GLT1D1: variants seen among roughly 807,000 people sequenced by gnomAD.
The protein encoded by GLT1D1 is glycosyltransferase 1 domain containing 1.
Under a neutral mutation model 28.7 loss-of-function variants are expected in GLT1D1, and 21 were observed. The ratio of observed to expected loss-of-function variants is 0.73; its 90% CI spans 0.52 to 1.05. The LOEUF (loss-of-function observed/expected upper bound fraction) is 1.05, where lower values mean the gene tolerates loss of function less well. Ranked by LOEUF, GLT1D1 falls within the 50% of genes least tolerant of loss-of-function variation. The probability of loss-of-function intolerance (pLI) is 0.00; values close to 1 mark genes in which losing one functional copy is unlikely to be tolerated. For synonymous variants in GLT1D1, 147 were observed against 124.8 expected, an observed-to-expected ratio of 1.18 and a Z score of -1.19; for missense variants, 343 against 330.6, an observed-to-expected ratio of 1.04 and a Z score of -0.29.
chr12:128,885,981 T>C (rs1957165744), intron 2 of GLT1D1, among the ~76,000 whole-genome samples: 1 of 152,152 alleles, frequency 6.6e-6, no homozygotes, highest in Non-Finnish European at 1.5e-5. Flanking sequence ...AAGGACCTGG[T>C]GGGAAGTAAT....
intron 4 of GLT1D1, among the ~76,000 whole-genome samples, chr12:128,929,818 A>G (rs1257994998): frequency 1.3e-5 from 2 of 152,124 alleles, no homozygotes; most frequent in Admixed American, 1.3e-4. Context: ...AAAATTAAAA[A>G]TATAAAAATT....
chr12:128,924,291 G>A (rs1872956159), intron 4 of GLT1D1, among the ~76,000 whole-genome samples: 1 of 151,880 alleles, frequency 6.6e-6, no homozygotes, highest in Non-Finnish European at 1.5e-5. Flanking sequence ...GCTCGGGGTG[G>A]TGGTGTGTGC....
intron 7 of GLT1D1, among the ~76,000 whole-genome samples, chr12:128,977,309 TTGAG>T (rs1247337423): frequency 2.6e-5 from 4 of 152,158 alleles, no homozygotes; most frequent in African/African-American, 9.7e-5. Flanking sequence ...CATCAACTAA[TTGAG>T]TAATTACTCT....
At chr12:128,905,184 C>A (rs1157768643) in intron 4 of GLT1D1, among the ~76,000 whole-genome samples, 1 of 152,222 alleles carries the variant, frequency 6.6e-6, no homozygotes, top group Non-Finnish European at 1.5e-5. Flanking sequence ...CTAGTACACA[C>A]CCACTATATG....
intron 7 of GLT1D1, among the ~76,000 whole-genome samples, chr12:128,980,620 T>C (rs470865): frequency 0.97 from 148,306 of 152,282 alleles, 72,321 homozygotes; most frequent in East Asian, 1. Context: ...ACTCATGGTG[T>C]TGGTCACTGC....
At chr12:128,871,416 A>G (rs577385250) in intron 1 of GLT1D1, among the ~76,000 whole-genome samples, 1 of 152,334 alleles carries the variant, frequency 6.6e-6, no homozygotes, top group African/African-American at 2.4e-5. Flanking sequence ...ATCAAAATTA[A>G]CAGTGAAAAT....
At position 128,966,278 on chromosome 12, in the gene GLT1D1, A is replaced by G. The variant is rs78194526; in HGVS notation, c.639+8635A>G. On this transcript the variant is annotated intron_variant, in intron 7 of 7. Coordinates refer to ENST00000281703, the MANE Select transcript of GLT1D1 (RefSeq NM_144669.3). ...CCAGCATCCCTGCCTGAAATGCCCC[A>G]GGGGTGGCTGGCTGCACTTGGAAGA... 7.9e-3 allele frequency among the ~76,000 whole-genome samples: 1,196 copies of G among 152,326 alleles called. 14 individuals carry two copies. Among genetic ancestry groups the G allele is most frequent in the African/African-American group, 0.027 (1,140 of 41,556 alleles).
chr12:128,879,646 G>A (rs1285746785), intron 2 of GLT1D1, among the ~76,000 whole-genome samples: 1 of 151,848 alleles, frequency 6.6e-6, no homozygotes, highest in Non-Finnish European at 1.5e-5. Context: ...TAGTAGAAAC[G>A]GGCTTTCACT....
rs575231358 is a variant in GLT1D1 at position 128,897,921 on chromosome 12, A to C, written c.324-1315A>C. Among the ~76,000 whole-genome samples the C allele has an allele frequency of 2.7e-4, 41 of 151,682 alleles. No individual in the cohort carries two copies. In the South Asian group the frequency reaches 3.1e-3, roughly 12 times the overall value. On this transcript the variant is annotated intron_variant, in intron 3 of 7. Transcript: ENST00000281703. Reference sequence around the variant, plus strand: ...TGACCTTGTGATCCGCCCGCCTTGGACTCCCAAAGTGCTGGGATTACAGGT... The same window carrying C: ...TGACCTTGTGATCCGCCCGCCTTGGCCTCCCAAAGTGCTGGGATTACAGGT...
chr12:128,945,109 A>G, intron 4 of GLT1D1: 1 of 711,460 alleles, frequency 1.4e-6, no homozygotes, highest in South Asian at 1.6e-5. Flanking sequence ...AAGGTGCTTT[A>G]GCTCGAAGTA....
chr12:128,915,601 G>A (rs903610709), intron 4 of GLT1D1, among the ~76,000 whole-genome samples: 5 of 152,048 alleles, frequency 3.3e-5, no homozygotes, highest in African/African-American at 1.2e-4. Context: ...CTGATCAGGT[G>A]ATCCACCCAC....
At chr12:128,876,362 G>A (rs1038773187) in intron 2 of GLT1D1, among the ~76,000 whole-genome samples, 2 of 152,164 alleles carry the variant, frequency 1.3e-5, no homozygotes, top group African/African-American at 4.8e-5. Context: ...AGGCTGGAGT[G>A]CAGTGATACA....
chr12:128,979,286 A>C (rs1880094615), intron 7 of GLT1D1, among the ~76,000 whole-genome samples: 1 of 151,982 alleles, frequency 6.6e-6, no homozygotes, highest in Non-Finnish European at 1.5e-5. Context: ...CAGTTTCTAC[A>C]GGTCCAGGCT....
In GLT1D1 at chr12:128,888,691, T is replaced by G. The variant is rs750759031; in HGVS notation, c.270T>G (p.Asp90Glu). The change falls in exon 3 of 8, where the codon GAT (aspartate) becomes GAG (glutamate). Residue 90 changes from aspartate (D) to glutamate (E), a missense_variant. Transcript: ENST00000281703. ...TTGGTGGAACTGATGTAAATGAAGATGCCAACCAGGCGGAAAAAAACACAG... is the reference window on the plus strand; with the variant it reads ...TTGGTGGAACTGATGTAAATGAAGAGGCCAACCAGGCGGAAAAAAACACAG... The G allele has an allele frequency of 1.2e-6, 2 of 1,613,998 alleles. No individual in the cohort carries two copies. Among genetic ancestry groups the G allele is most frequent in the Non-Finnish European group, 1.7e-6 (2 of 1,179,930 alleles).
intron 4 of GLT1D1, among the ~76,000 whole-genome samples, chr12:128,939,891 G>A (rs1014212209): frequency 2.9e-5 from 4 of 136,052 alleles, no homozygotes; most frequent in African/African-American, 1.1e-4. Flanking sequence ...CTCCAACAAT[G>A]GGGATTACAA....
At chr12:128,934,848 A>C (rs1275536799) in intron 4 of GLT1D1, among the ~76,000 whole-genome samples, 1 of 152,090 alleles carries the variant, frequency 6.6e-6, no homozygotes, top group Non-Finnish European at 1.5e-5. Context: ...AGTCTCTGTC[A>C]TTCTCTTCAA....
Position 128,945,294 on chromosome 12 carries a change from G to A in GLT1D1, c.376-32G>A, listed in dbSNP as rs375852560. 181 of 1,612,552 alleles carry A rather than the reference G, an allele frequency of 1.1e-4. 1 individual carries two copies. Among genetic ancestry groups the A allele is most frequent in the South Asian group, 5.3e-4 (48 of 91,038 alleles). On this transcript the variant is annotated intron_variant, in intron 4 of 7. Coordinates refer to ENST00000281703, the MANE Select transcript of GLT1D1 (RefSeq NM_144669.3). ...GCTGGCAGCGCCACTAGCAGGCGGC[G>A]ACCGCTGACATTTATCTTTGTCTCT...
At chr12:128,896,157 G>A (rs1869600563) in intron 3 of GLT1D1, among the ~76,000 whole-genome samples, 1 of 152,002 alleles carries the variant, frequency 6.6e-6, no homozygotes, top group African/African-American at 2.4e-5. Flanking sequence ...GTAACACCAG[G>A]GCTTTTTTTG....
At chr12:128,953,839 G>A (rs575738922) in intron 6 of GLT1D1, among the ~76,000 whole-genome samples, 19 of 149,878 alleles carry the variant, frequency 1.3e-4, no homozygotes, top group African/African-American at 4.4e-4. Context: ...TCCGCCTCCC[G>A]GGATCAAGCG....
Sources: allele counts gnomAD v4.1 joint callset (sites outside exome capture counted in the v4.1 genomes callset), GRCh38; gene constraint gnomAD v4.1.1; transcripts MANE v1.5; gene names NCBI Gene and HGNC (gene_info 2026-07-23, HGNC 2026-07-21).